ACOT9: variants seen among roughly 807,000 people sequenced by gnomAD.
ACOT9 encodes acyl-CoA thioesterase 9.
In ACOT9, 34 loss-of-function variants were observed where a neutral mutation model predicts 39.7. The ratio of observed to expected loss-of-function variants is 0.86; its 90% CI spans 0.65 to 1.14. The LOEUF (loss-of-function observed/expected upper bound fraction) is 1.14, where lower values mean the gene tolerates loss of function less well. Among genes scored for constraint, ACOT9 ranks in the 50% most tolerant of loss-of-function variants. The pLI, the probability that ACOT9 is intolerant of heterozygous loss-of-function variation, is 0.00. For missense variants in ACOT9, 313 were observed against 344.1 expected, an observed-to-expected ratio of 0.91 and a Z score of 0.71; for synonymous variants, 110 against 120.5, an observed-to-expected ratio of 0.91 and a Z score of 0.57.
Position 23,712,405 on chromosome X carries a change from TA to T in ACOT9, c.662+729del, listed in dbSNP as rs57718217. Among the ~76,000 whole-genome samples, 40 of 72,650 alleles carry T rather than the reference TA, an allele frequency of 5.5e-4. 1 individual carries two copies. The highest frequency in any genetic ancestry group is 4.9e-4 in the Non-Finnish European group (20 of 40,779). 63.1% of individuals were successfully genotyped at this position (72,650 alleles called of 115,157 possible). A position where few individuals can be genotyped will look rare whatever the true frequency, so the allele number is the denominator to read the frequency against. ...GGGCAACAAGAGCAAAACTCCATCT[TA>T]AAAAAAAAAAAAAAAAAAGGATAAT... On this transcript the variant is annotated intron_variant, in intron 9 of 15. Coordinates refer to ENST00000379303, the MANE Select transcript of ACOT9 (RefSeq NM_001037171.2).
At chrX:23,742,838 C>T (rs755172003) in intron 1 of ACOT9, among the ~76,000 whole-genome samples, 6 of 112,625 alleles carry the variant, frequency 5.3e-5, no homozygotes, top group Admixed American at 4.7e-4. Context: ...TGAGCAAGGC[C>T]AAAGGAATTT....
At position 23,739,262 on chromosome X, in the gene ACOT9, T is replaced by C. The variant is rs773525543; in HGVS notation, c.21-3246A>G. ...TCTCAAAAAAAAAAGAGCCCAATCATGCTGCTTGTTAGCTGAGTTACCTTA... is the reference window on the plus strand; with the variant it reads ...TCTCAAAAAAAAAAGAGCCCAATCACGCTGCTTGTTAGCTGAGTTACCTTA... On this transcript the variant is annotated intron_variant, in intron 1 of 15. Transcript: ENST00000379303. Among the ~76,000 whole-genome samples, 4 of 110,977 alleles carry C rather than the reference T, an allele frequency of 3.6e-5. No homozygotes were observed. In the East Asian group the frequency reaches 1.1e-3, roughly 32 times the overall value.
intron 1 of ACOT9, among the ~76,000 whole-genome samples, chrX:23,738,571 A>C (rs1930023127): frequency 1.8e-5 from 2 of 111,391 alleles, no homozygotes. Flanking sequence ...GCCCCATTGC[A>C]TTCCAGCCTG....
At chrX:23,725,969 C>G (rs1384635403) in intron 6 of ACOT9, among the ~76,000 whole-genome samples, 1 of 110,785 alleles carries the variant, frequency 9.0e-6, no homozygotes, top group South Asian at 3.8e-4. Flanking sequence ...GAGGCCGAGG[C>G]GAGTGGATCA....
chrX:23,716,508 TGAATACCCACTAGTGCCAA>T (rs1422237177), intron 8 of ACOT9, among the ~76,000 whole-genome samples: 4 of 111,986 alleles, frequency 3.6e-5, no homozygotes, highest in African/African-American at 1.3e-4. Context: ...TTTACTATCA[TGAATACCCACTAGTGCCAA>T]GCACTAGAAC....
chrX:23,742,223 AGAGAGAGAGAGAGG>A lies in ACOT9; in HGVS notation c.20+888_20+901del, dbSNP rs1449046505. On this transcript the variant is annotated intron_variant, in intron 1 of 15. Transcript: ENST00000379303. ...GGAACAGTGAGTGAGTGAGAGAGAG[AGAGAGAGAGAGAGG>A]GAGAGAGAGAGAGAGAGAGATATCC... 2.3e-4 allele frequency among the ~76,000 whole-genome samples: 11 copies of A among 48,613 alleles called. 1 individual carries two copies. Among genetic ancestry groups the A allele is most frequent in the African/African-American group, 8.8e-4 (5 of 5,664 alleles). 42.2% of individuals were successfully genotyped at this position (48,613 alleles called of 115,157 possible).
At chrX:23,704,332 G>A (rs1030658058) in intron 15 of ACOT9, among the ~76,000 whole-genome samples, 3 of 89,736 alleles carry the variant, frequency 3.3e-5, no homozygotes, top group South Asian at 5.7e-4. Context: ...CACCGTGCCC[G>A]GCTAATTTTT....
In ACOT9 at chrX:23,734,400, C is replaced by A. The variant is rs772039105; in HGVS notation, c.119-33G>T. ...AATAAAGGGAAAATCAATTAGAGAA[C>A]CAGCAATAATTCAAAACTAAAAGAT... On this transcript the variant is annotated intron_variant, in intron 2 of 15. Transcript: ENST00000379303. The A allele has an allele frequency of 1.2e-5, 13 of 1,110,591 alleles. No homozygotes were observed. The South Asian group carries it at 2.6e-4, about 22-fold the overall frequency. The allele number at this position is 1,110,591 out of a possible 1,213,427, so 91.5% of individuals were successfully genotyped here.
Position 23,706,717 on chromosome X carries a change from G to A in ACOT9, c.753C>T (p.Ala251=). The A allele has an allele frequency of 8.3e-7, 1 of 1,200,573 alleles. No homozygotes were observed. ...QGELNKGRRI[A]FSSTSLLKMA... is the part of the protein sequence containing the mutation. ...TTTTCAGTAACGACGTGGAGCTGAAGGCAATTCTTCTCCCCTTGTTCACTG... is the reference window on the plus strand; with the variant it reads ...TTTTCAGTAACGACGTGGAGCTGAAAGCAATTCTTCTCCCCTTGTTCACTG... The change falls in exon 11 of 16, where the codon GCC becomes GCT. Residue 251 remains alanine, a synonymous_variant. Coordinates refer to ENST00000379303, the MANE Select transcript of ACOT9 (RefSeq NM_001037171.2).
At position 23,705,587 on chromosome X, in the gene ACOT9, T is replaced by C. The variant is rs1928648864; in HGVS notation, c.941A>G (p.Asn314Ser). 1 of 1,207,088 alleles carries C rather than the reference T, an allele frequency of 8.3e-7. No homozygotes were observed. Among genetic ancestry groups the C allele is most frequent in the Non-Finnish European group, 1.1e-6 (1 of 893,032 alleles). The change falls in exon 13 of 16, where the codon AAC becomes AGC. Residue 314 changes from asparagine to serine, a missense_variant. Coordinates refer to ENST00000379303, the MANE Select transcript of ACOT9 (RefSeq NM_001037171.2). ...SLEICHPQER[N>S]IFNRIFGGFL... is the part of the protein sequence containing the mutation. The stretch of plus-strand genomic sequence containing the variant: ...ACCACCAAAGATCCGATTGAAAATG[T>C]TCCGCTCCTACAGGACATAAATAAA...
intron 8 of ACOT9, among the ~76,000 whole-genome samples, chrX:23,720,799 C>T (rs1929291693): frequency 9.0e-6 from 1 of 111,195 alleles, no homozygotes; most frequent in Non-Finnish European, 1.9e-5. Flanking sequence ...CCAGAACTCC[C>T]TACCACCACC....
At chrX:23,736,433 TA>T (rs1169399000) in intron 1 of ACOT9, among the ~76,000 whole-genome samples, 2 of 112,465 alleles carry the variant, frequency 1.8e-5, no homozygotes, top group African/African-American at 6.4e-5. Context: ...AATTATAAAG[TA>T]AACTTTGAAA....
intron 4 of ACOT9, among the ~76,000 whole-genome samples, chrX:23,732,523 C>T (rs770143059): frequency 1.8e-5 from 2 of 111,550 alleles, no homozygotes; most frequent in South Asian, 7.4e-4. Context: ...ATTCTTTCTA[C>T]CTTTTAGTAA....
chrX:23,704,869 C>T (rs1362637485), intron 14 of ACOT9, 25 bp from the exon 15 acceptor site: 2 of 1,192,276 alleles, frequency 1.7e-6, no homozygotes, highest in East Asian at 5.9e-5. Context: ...ACACTATAAT[C>T]AGTCAACTGC....
intron 2 of ACOT9, 103 bp downstream of exon 2, chrX:23,735,816 A>T: frequency 3.2e-6 from 2 of 633,110 alleles, no homozygotes; most frequent in East Asian, 7.1e-5. Flanking sequence ...ATCTACCTTT[A>T]ATATGCCTCA....
chrX:23,712,590 T>C (rs1461769359), intron 9 of ACOT9, among the ~76,000 whole-genome samples: 1 of 111,260 alleles, frequency 9.0e-6, no homozygotes, highest in Non-Finnish European at 1.9e-5. Context: ...TAACGGCTTT[T>C]AGTGTATTCA....
At chrX:23,737,037 G>A (rs900797194) in intron 1 of ACOT9, among the ~76,000 whole-genome samples, 5 of 111,325 alleles carry the variant, frequency 4.5e-5, no homozygotes, top group Non-Finnish European at 9.4e-5. Flanking sequence ...CGCAGGCCAG[G>A]CGTGGTGGCT....
At chrX:23,740,817 A>G (rs751172077) in intron 1 of ACOT9, among the ~76,000 whole-genome samples, 16 of 109,557 alleles carry the variant, frequency 1.5e-4, no homozygotes, top group Non-Finnish European at 3.0e-4. Flanking sequence ...TCAACACTTC[A>G]GTACCTCAGG....
chrX:23,730,996 A>T lies in ACOT9; in HGVS notation c.192-10T>A. The T allele has an allele frequency of 8.3e-7, 1 of 1,202,941 alleles. No homozygotes were observed. On this transcript the variant is annotated splice_polypyrimidine_tract_variant and intron_variant, in intron 4 of 15. Coordinates refer to ENST00000379303, the MANE Select transcript of ACOT9 (RefSeq NM_001037171.2). ...TGCCTTCACATGGTCTCTGAGAAGA[A>T]AGGATGCAGGATTCATAAAACAAGA... is the stretch of plus-strand genomic sequence containing the variant.
Sources: gnomAD v4.1 joint callset for allele counts (sites outside exome capture counted in the v4.1 genomes callset) on GRCh38, gnomAD v4.1.1 for gene constraint, MANE v1.5 for transcripts, NCBI Gene and HGNC (gene_info 2026-07-23, HGNC 2026-07-21) for gene names.